Variants in ENTREP2 observed in about 807,000 individuals in gnomAD.
ENTREP2 encodes the protein protein ENTREP2.
At chr15:29,356,289 T>TTTTG in the ENTREP2 span, among the ~76,000 whole-genome samples, 1 of 59,920 alleles carries the variant, frequency 1.7e-5, no homozygotes, top group Non-Finnish European at 3.2e-5. Flanking sequence ...TATATATATA[T>TTTTG]ATATATATTT....
chr15:29,349,890 ACT>A, the ENTREP2 span, among the ~76,000 whole-genome samples: 1 of 152,114 alleles, frequency 6.6e-6, no homozygotes, highest in Non-Finnish European at 1.5e-5. Context: ...ACAGAGCGAG[ACT>A]CTGTCTCAAA....
chr15:29,563,863 A>AT, the ENTREP2 span, among the ~76,000 whole-genome samples: 1 of 151,806 alleles, frequency 6.6e-6, no homozygotes, highest in East Asian at 1.9e-4. Flanking sequence ...AAATAAATAA[A>AT]TAAGTAAAAT....
the ENTREP2 span, among the ~76,000 whole-genome samples, chr15:29,632,166 G>T: frequency 6.6e-6 from 1 of 152,170 alleles, no homozygotes; most frequent in African/African-American, 2.4e-5. Context: ...AAGATAAAAA[G>T]AAAACCCAGA....
the ENTREP2 span, among the ~76,000 whole-genome samples, chr15:29,195,968 A>G: frequency 6.6e-6 from 1 of 152,234 alleles, no homozygotes; most frequent in Non-Finnish European, 1.5e-5. Flanking sequence ...AATAATATAA[A>G]CAATTTTTCC....
chr15:29,433,065 G>T, the ENTREP2 span, among the ~76,000 whole-genome samples: 51 of 152,140 alleles, frequency 3.4e-4, no homozygotes, highest in Non-Finnish European at 1.3e-4. Context: ...GCACAAACAG[G>T]TCTCAATCAC....
At chr15:29,509,676 G>A in the ENTREP2 span, among the ~76,000 whole-genome samples, 2 of 152,158 alleles carry the variant, frequency 1.3e-5, no homozygotes, top group Non-Finnish European at 2.9e-5. Flanking sequence ...TTTAGTAAAT[G>A]GTGTTGGGAA....
At chr15:29,284,571 A>AT in the ENTREP2 span, among the ~76,000 whole-genome samples, 5 of 138,218 alleles carry the variant, frequency 3.6e-5, no homozygotes, top group African/African-American at 7.7e-5. Flanking sequence ...AAAAAAAAAA[A>AT]AACCAAAAAT....
chr15:29,666,106 C>T, the ENTREP2 span, among the ~76,000 whole-genome samples: 1 of 151,906 alleles, frequency 6.6e-6, no homozygotes, highest in Non-Finnish European at 1.5e-5. Context: ...ATCCTCCAGC[C>T]TCTGAACCCA....
chr15:29,347,388 T>C, the ENTREP2 span, among the ~76,000 whole-genome samples: 1 of 152,092 alleles, frequency 6.6e-6, no homozygotes, highest in African/African-American at 2.4e-5. Flanking sequence ...CAGGCTGGTC[T>C]CCAACTCCTG....
At chr15:29,416,071 C>G in the ENTREP2 span, among the ~76,000 whole-genome samples, 1 of 152,050 alleles carries the variant, frequency 6.6e-6, no homozygotes, top group Non-Finnish European at 1.5e-5. Flanking sequence ...GCCATAATGC[C>G]CAAGGTAATT....
chr15:29,128,096 G>A, the ENTREP2 span, among the ~76,000 whole-genome samples: 1 of 152,200 alleles, frequency 6.6e-6, no homozygotes, highest in Admixed American at 6.5e-5. Flanking sequence ...GATCATCCTG[G>A]CCCTCTGTGG....
the ENTREP2 span, among the ~76,000 whole-genome samples, chr15:29,524,704 G>A: frequency 6.6e-6 from 1 of 152,234 alleles, no homozygotes; most frequent in African/African-American, 2.4e-5. Flanking sequence ...GAGCACAGCA[G>A]ACACCCTGCC....
chr15:29,604,560 T>C, the ENTREP2 span, among the ~76,000 whole-genome samples: 1 of 152,240 alleles, frequency 6.6e-6, no homozygotes, highest in Non-Finnish European at 1.5e-5. Flanking sequence ...GAAGTCATTA[T>C]ACATCTCACC....
chr15:29,424,654 G>C, the ENTREP2 span, among the ~76,000 whole-genome samples: 1 of 152,184 alleles, frequency 6.6e-6, no homozygotes, highest in African/African-American at 2.4e-5. Flanking sequence ...GCCCTGCAAA[G>C]TCCTGGTTTA....
the ENTREP2 span, among the ~76,000 whole-genome samples, chr15:29,564,693 G>C: frequency 1.3e-5 from 2 of 152,086 alleles, no homozygotes; most frequent in Non-Finnish European, 2.9e-5. Context: ...GGTAGTTTTT[G>C]GGTTCCACCA....
chr15:29,576,703 G>C, the ENTREP2 span, among the ~76,000 whole-genome samples: 1 of 152,228 alleles, frequency 6.6e-6, no homozygotes, highest in African/African-American at 2.4e-5. Flanking sequence ...CGAGTGTCCT[G>C]TGAACACCTG....
At chr15:29,475,739 T>C in the ENTREP2 span, among the ~76,000 whole-genome samples, 1 of 152,110 alleles carries the variant, frequency 6.6e-6, no homozygotes, top group Non-Finnish European at 1.5e-5. Flanking sequence ...GGGGTATGGG[T>C]CCTGAGAAGC....
the ENTREP2 span, among the ~76,000 whole-genome samples, chr15:29,384,344 C>T: frequency 3.0e-4 from 45 of 152,278 alleles, no homozygotes; most frequent in Middle Eastern, 3.4e-3. Context: ...TAAGCAGGAT[C>T]CATTCTTCTG....
the ENTREP2 span, among the ~76,000 whole-genome samples, chr15:29,590,711 G>C: frequency 7.6e-6 from 1 of 132,050 alleles, no homozygotes. Context: ...AAAAGAAAAA[G>C]AAAAAAAAAT....
Sources: allele counts gnomAD v4.1 joint callset (sites outside exome capture counted in the v4.1 genomes callset), GRCh38; gene constraint gnomAD v4.1.1; transcripts MANE v1.5; gene names NCBI Gene and HGNC (gene_info 2026-07-23, HGNC 2026-07-21).